The following MMP26 variants were observed in gnomAD, a reference collection of about 807,000 sequenced individuals.
MMP26 encodes the protein matrix metallopeptidase 26.
A neutral mutation model predicts 31.0 loss-of-function variants in MMP26; 33 were observed. The observed-to-expected ratio is 1.06, with a 90% CI of 0.81 to 1.42. The LOEUF (loss-of-function observed/expected upper bound fraction) is 1.42, where lower values mean the gene tolerates loss of function less well. Ranked by LOEUF, MMP26 falls within the 40% of genes most tolerant of loss-of-function variation. The pLI is 0.00. For missense variants in MMP26, 347 were observed against 316.1 expected (o/e 1.10, Z -0.74); for synonymous variants, 122 against 114.9 (o/e 1.06, Z -0.40).
chr11:4,820,621 C>T (rs529707829), intron 2 of MMP26, among the ~76,000 whole-genome samples: 1 of 151,992 alleles, frequency 6.6e-6, no homozygotes, highest in Admixed American at 6.6e-5. Context: ...ACTAGTCTTT[C>T]TCTTTCTCCT....
At chr11:4,775,750 GAGAGAGAGAGAGAGAGAGAGAA>G (rs1174008540) in intron 2 of MMP26, among the ~76,000 whole-genome samples, 1 of 121,392 alleles carries the variant, frequency 8.2e-6, no homozygotes, top group Non-Finnish European at 2.0e-5. Context: ...AAGTGAGTGA[GAGAGAGAGAGAGAGAGAGAGAA>G]AGAGAGAGAG....
intron 1 of MMP26, among the ~76,000 whole-genome samples, chr11:4,725,749 A>T (rs2133279301): frequency 6.6e-6 from 1 of 152,310 alleles, no homozygotes; most frequent in East Asian, 1.9e-4. Flanking sequence ...TGCACTGATG[A>T]CTGACTCCCT....
chr11:4,968,075 C>T (rs1179761537), intron 2 of MMP26, among the ~76,000 whole-genome samples: 1 of 152,052 alleles, frequency 6.6e-6, no homozygotes, highest in Non-Finnish European at 1.5e-5. Context: ...TGAATCCATT[C>T]AGTTCTAAAG....
intron 1 of MMP26, among the ~76,000 whole-genome samples, chr11:4,751,460 C>G (rs1426564933): frequency 6.6e-6 from 1 of 152,096 alleles, no homozygotes; most frequent in Non-Finnish European, 1.5e-5. Flanking sequence ...AGTAGAACTT[C>G]ACAGTGAAGT....
At chr11:4,907,879 A>G in intron 2 of MMP26, 3 of 1,614,032 alleles carry the variant, frequency 1.9e-6, no homozygotes, top group Non-Finnish European at 2.5e-6. Context: ...AATATTGTCA[A>G]AAGAATCTTC....
At chr11:4,872,597 A>G (rs963149998) in intron 2 of MMP26, among the ~76,000 whole-genome samples, 1 of 152,050 alleles carries the variant, frequency 6.6e-6, no homozygotes, top group African/African-American at 2.4e-5. Flanking sequence ...CCCACAAGAA[A>G]CAAGTCCAAA....
intron 1 of MMP26, among the ~76,000 whole-genome samples, chr11:4,765,314 C>T (rs1433874249): frequency 6.6e-6 from 1 of 152,192 alleles, no homozygotes; most frequent in Non-Finnish European, 1.5e-5. Flanking sequence ...TTGACTAAAT[C>T]TGTTCAGAAC....
chr11:4,914,804 A>G, intron 2 of MMP26: 1 of 1,614,062 alleles, frequency 6.2e-7, no homozygotes, highest in Admixed American at 1.7e-5. Context: ...AGGAGGAAAG[A>G]GAAGATACAT....
At chr11:4,712,889 A>G (rs74052056) in intron 1 of MMP26, among the ~76,000 whole-genome samples, 1,914 of 151,914 alleles carry the variant, frequency 0.013, 35 homozygotes, top group African/African-American at 0.041. Context: ...AACATCCAAT[A>G]CTATGGTCTA....
intron 1 of MMP26, among the ~76,000 whole-genome samples, chr11:4,716,524 CTTG>C (rs1847931640): frequency 6.6e-6 from 1 of 150,890 alleles, no homozygotes; most frequent in Non-Finnish European, 1.5e-5. Flanking sequence ...GAACGTTGTT[CTTG>C]TTGTTTTTAA....
At chr11:4,782,451 G>T (rs570791440) in intron 2 of MMP26, among the ~76,000 whole-genome samples, 1 of 152,198 alleles carries the variant, frequency 6.6e-6, no homozygotes, top group Admixed American at 6.5e-5. Flanking sequence ...AAGCAGCAAA[G>T]CATTCAAGAG....
intron 2 of MMP26, among the ~76,000 whole-genome samples, chr11:4,863,092 C>A (rs1193081463): frequency 6.6e-6 from 1 of 152,112 alleles, no homozygotes; most frequent in African/African-American, 2.4e-5. Flanking sequence ...CTTGAAAAAT[C>A]TTTAACATTC....
chr11:4,817,881 A>C (rs1564787451), intron 2 of MMP26, among the ~76,000 whole-genome samples: 1 of 152,128 alleles, frequency 6.6e-6, no homozygotes, highest in Admixed American at 6.5e-5. Flanking sequence ...ACTTGGCTGG[A>C]GAGTGAGTAG....
At chr11:4,710,479 C>A (rs576376849) in intron 1 of MMP26, 1 of 443,458 alleles carries the variant, frequency 2.3e-6, no homozygotes, top group African/African-American at 2.0e-5. Context: ...ATTCGCAAGG[C>A]TGTGCTCAAA....
chr11:4,841,192 T>G (rs774396334), intron 2 of MMP26, among the ~76,000 whole-genome samples: 3 of 152,102 alleles, frequency 2.0e-5, no homozygotes, highest in African/African-American at 4.8e-5. Context: ...CAAAGGGCAA[T>G]TCTAAGAGTT....
chr11:4,805,264 C>A (rs1389802375), intron 2 of MMP26, among the ~76,000 whole-genome samples: 1 of 152,220 alleles, frequency 6.6e-6, no homozygotes, highest in African/African-American at 2.4e-5. Context: ...AGTTAATCTA[C>A]TGACCAATTG....
At chr11:4,906,509 G>A (rs1461296039) in intron 2 of MMP26, among the ~76,000 whole-genome samples, 1 of 152,160 alleles carries the variant, frequency 6.6e-6, no homozygotes, top group Non-Finnish European at 1.5e-5. Flanking sequence ...TGTATAAAAT[G>A]TGCATAAGTA....
chr11:4,831,758 ATAG>A (rs1314075170), intron 2 of MMP26, among the ~76,000 whole-genome samples: 2 of 152,212 alleles, frequency 1.3e-5, no homozygotes, highest in African/African-American at 2.4e-5. Context: ...CACATGCGTG[ATAG>A]TAGATTATAA....
chr11:4,988,076 G>T lies in MMP26; in HGVS notation c.-136G>T. ...CACTCTGCCCTCAGCAGGTATGGATGATGACGCCACTCACAGATTCAAAGA... is the reference window on the plus strand; with the variant it reads ...CACTCTGCCCTCAGCAGGTATGGATTATGACGCCACTCACAGATTCAAAGA... On this transcript the variant is annotated 5_prime_UTR_variant, in exon 3 of 8. It removes an upstream start codon present in the reference 5' UTR. Coordinates refer to ENST00000380390, the MANE Select transcript of MMP26 (RefSeq NM_021801.5). The T allele has an allele frequency of 5.3e-6, 4 of 758,834 alleles. No homozygotes were observed. Among genetic ancestry groups the T allele is most frequent in the Non-Finnish European group, 9.5e-6 (4 of 422,890 alleles). The allele number at this position is 758,834 out of a possible 1,614,324, so 47.0% of individuals were successfully genotyped here.
Sources: gnomAD v4.1 joint callset for allele counts (sites outside exome capture counted in the v4.1 genomes callset) on GRCh38, gnomAD v4.1.1 for gene constraint, MANE v1.5 for transcripts, NCBI Gene and HGNC (gene_info 2026-07-23, HGNC 2026-07-21) for gene names.